The following PARD3B variants were observed in gnomAD, a reference collection of about 807,000 sequenced individuals.
PARD3B encodes par-3 family cell polarity regulator beta.
Under a neutral mutation model 130.2 loss-of-function variants are expected in PARD3B, and 103 were observed. The ratio of observed to expected loss-of-function variants is 0.79; its 90% confidence interval spans 0.67 to 0.93. The LOEUF (loss-of-function observed/expected upper bound fraction) is 0.93. Among genes scored for constraint, PARD3B ranks in the 40% least tolerant of loss-of-function variants. The pLI, the probability that PARD3B is intolerant of heterozygous loss-of-function variation, is 0.00. For missense variants in PARD3B, 1,609 were observed against 1,499.2 expected (o/e 1.07, Z -1.21); for synonymous variants, 583 against 553.2 (o/e 1.05, Z -0.76).
intron 18 of PARD3B, among the ~76,000 whole-genome samples, chr2:205,398,029 T>G (rs1357430794): frequency 2.6e-5 from 4 of 152,204 alleles, no homozygotes; most frequent in African/African-American, 9.6e-5. Flanking sequence ...CCGAGCACAG[T>G]GGCTCACACC....
At chr2:204,734,790 G>A (rs1242694659) in intron 2 of PARD3B, among the ~76,000 whole-genome samples, 3 of 152,168 alleles carry the variant, frequency 2.0e-5, no homozygotes, top group South Asian at 2.1e-4. Flanking sequence ...TTTGGGTAGT[G>A]GAAGTGTTTC....
intron 20 of PARD3B, among the ~76,000 whole-genome samples, chr2:205,454,889 A>C (rs139637559): frequency 6.4e-4 from 98 of 152,286 alleles, no homozygotes; most frequent in Admixed American, 7.9e-4. Context: ...TAGTCTTTAA[A>C]GTCAAACACA....
chr2:205,023,098 A>C (rs185477950), intron 3 of PARD3B, among the ~76,000 whole-genome samples: 1 of 152,164 alleles, frequency 6.6e-6, no homozygotes, highest in African/African-American at 2.4e-5. Context: ...TGCCTTTTCT[A>C]TGCCAAATCT....
intron 22 of PARD3B, among the ~76,000 whole-genome samples, chr2:205,553,862 G>A (rs2052760324): frequency 1.3e-5 from 2 of 152,132 alleles, no homozygotes; most frequent in South Asian, 4.1e-4. Flanking sequence ...ATCTGACCTT[G>A]TTCTCAAGGC....
At chr2:205,444,224 C>A (rs2047826022) in intron 20 of PARD3B, among the ~76,000 whole-genome samples, 1 of 152,174 alleles carries the variant, frequency 6.6e-6, no homozygotes, top group African/African-American at 2.4e-5. Context: ...TTCAGGTGAT[C>A]TGCCCCCCTT....
At chr2:204,666,002 C>G (rs978402157) in intron 1 of PARD3B, among the ~76,000 whole-genome samples, 2 of 152,290 alleles carry the variant, frequency 1.3e-5, no homozygotes, top group African/African-American at 4.8e-5. Context: ...TGAACTTACT[C>G]TGGTACTAAC....
At position 205,164,822 on chromosome 2, in the gene PARD3B, T is replaced by TACAC. The variant is rs71032448; in HGVS notation, c.1620+5938_1620+5941dup. ...GGTACCTATAGGCCATATATATGTA[T>TACAC]ACACACACACACACACACACACACA... On this transcript the variant is annotated intron_variant, in intron 11 of 22. Coordinates refer to ENST00000406610, the MANE Select transcript of PARD3B (RefSeq NM_001302769.2). Among the ~76,000 whole-genome samples, 405 of 147,342 alleles carry TACAC rather than the reference T, an allele frequency of 2.7e-3. 2 individuals carry two copies. Among genetic ancestry groups the TACAC allele is most frequent in the African/African-American group, 7.1e-3 (281 of 39,528 alleles).
chr2:204,755,644 C>T (rs2040637268), intron 2 of PARD3B, among the ~76,000 whole-genome samples: 1 of 152,134 alleles, frequency 6.6e-6, no homozygotes, highest in African/African-American at 2.4e-5. Flanking sequence ...GGTACAGAGA[C>T]TGAATCACAG....
intron 2 of PARD3B, among the ~76,000 whole-genome samples, chr2:204,761,543 A>G (rs1158283224): frequency 6.6e-6 from 1 of 151,468 alleles, no homozygotes; most frequent in African/African-American, 2.4e-5. Context: ...TATTAAATTC[A>G]CCCATAGTTG....
rs577797058 is a variant in PARD3B, at chr2:205,016,934, G to A, written c.395-30647G>A. ...CTTGTATATGGTTAACTTCCAGATA[G>A]TTCCTCTAAGCACCAAAAGAGTCCA... On this transcript the variant is annotated intron_variant, in intron 3 of 22. Transcript: ENST00000406610. Among the ~76,000 whole-genome samples the A allele has an allele frequency of 4.6e-5, 7 of 152,286 alleles. No individual in the cohort carries two copies. In the East Asian group the frequency reaches 1.4e-3, roughly 29 times the overall value.
At chr2:204,919,250 T>C (rs1379054990) in intron 2 of PARD3B, among the ~76,000 whole-genome samples, 1 of 152,198 alleles carries the variant, frequency 6.6e-6, no homozygotes, top group Non-Finnish European at 1.5e-5. Flanking sequence ...TATTTAAAGA[T>C]CTTTATAAAG....
intron 2 of PARD3B, among the ~76,000 whole-genome samples, chr2:204,899,803 G>C (rs2046792312): frequency 1.3e-5 from 2 of 152,106 alleles, no homozygotes; most frequent in South Asian, 2.1e-4. Context: ...AGGGTCTGCT[G>C]TTGATGAAAT....
chr2:205,304,038 C>T (rs1302016887), intron 18 of PARD3B, among the ~76,000 whole-genome samples: 1 of 152,138 alleles, frequency 6.6e-6, no homozygotes, highest in East Asian at 1.9e-4. Context: ...AAGAATGCTG[C>T]GTGTATTTAT....
chr2:204,608,181 T>G (rs1574541362), intron 1 of PARD3B, among the ~76,000 whole-genome samples: 1 of 152,184 alleles, frequency 6.6e-6, no homozygotes, highest in South Asian at 2.1e-4. Context: ...TTTAGGCATT[T>G]TAAACAGCAC....
At chr2:204,781,731 C>T (rs1052996206) in intron 2 of PARD3B, among the ~76,000 whole-genome samples, 1 of 152,054 alleles carries the variant, frequency 6.6e-6, no homozygotes, top group Non-Finnish European at 1.5e-5. Flanking sequence ...GGTTTCTAAC[C>T]TGTAGTAACC....
At chr2:205,113,884 T>TA (rs2125599244) in intron 6 of PARD3B, among the ~76,000 whole-genome samples, 1 of 152,276 alleles carries the variant, frequency 6.6e-6, no homozygotes, top group South Asian at 2.1e-4. Context: ...AACATATTGT[T>TA]AGACAAATGT....
At chr2:205,135,350 A>G (rs2032389529) in intron 10 of PARD3B, among the ~76,000 whole-genome samples, 1 of 152,184 alleles carries the variant, frequency 6.6e-6, no homozygotes, top group South Asian at 2.1e-4. Context: ...AAATGTGTTC[A>G]TTTTGTAAAG....
In PARD3B at chr2:205,176,660, G is replaced by T; in HGVS notation, c.1924+83G>T. ...TTTTATCTAAAAAAAAAAAAAAAGA[G>T]TAAAGGGGAGTTAATTAGACTAAGT... On this transcript the variant is annotated intron_variant, in intron 13 of 22. Coordinates refer to ENST00000406610, the MANE Select transcript of PARD3B (RefSeq NM_001302769.2). This position sits in a 1 kb window ranked among gnomAD's most constrained non-coding sequence, Gnocchi z 5.3. The T allele has an allele frequency of 1.7e-6, 2 of 1,210,872 alleles. No individual in the cohort carries two copies. Among genetic ancestry groups the T allele is most frequent in the Non-Finnish European group, 2.3e-6 (2 of 888,046 alleles). The allele number at this position is 1,210,872 out of a possible 1,614,324, so 75.0% of individuals were successfully genotyped here.
At chr2:204,644,702 T>C (rs1259910722) in intron 1 of PARD3B, among the ~76,000 whole-genome samples, 1 of 152,128 alleles carries the variant, frequency 6.6e-6, no homozygotes, top group East Asian at 1.9e-4. Context: ...AAATAGACAG[T>C]TTTTTTCCTT....
Sources: gnomAD v4.1 joint callset for allele counts (sites outside exome capture counted in the v4.1 genomes callset) on GRCh38, gnomAD v4.1.1 for gene constraint, Gnocchi (gnomAD v3.1) non-coding constraint, MANE v1.5 for transcripts, NCBI Gene and HGNC (gene_info 2026-07-23, HGNC 2026-07-21) for gene names.